Variants in KBTBD11 observed in about 807,000 individuals in gnomAD.
The protein encoded by KBTBD11 is kelch repeat and BTB domain-containing protein 11.
For missense variants in KBTBD11, 1,390 were observed against 1,001.8 expected (o/e 1.39, Z -5.23); for synonymous variants, 747 against 499.0 (o/e 1.50, Z -6.63).
intron 1 of KBTBD11, among the ~76,000 whole-genome samples, chr8:1,978,950 G>C (rs911858355): frequency 2.0e-5 from 3 of 152,200 alleles, no homozygotes; most frequent in Admixed American, 1.3e-4. Context: ...AAAGCAATGA[G>C]AGACCCACCC....
Position 1,991,766 on chromosome 8 carries a change from G to A in KBTBD11, c.-908-8519G>A, listed in dbSNP as rs577705240. ...TGGCAGAGAAGGTGCCCACCGGTGA[G>A]TGGGCCTTCTCGTTTTAGGACGAGA... On this transcript the variant is annotated intron_variant, in intron 1 of 1. Coordinates refer to ENST00000320248, the MANE Select transcript of KBTBD11 (RefSeq NM_014867.3). Among the ~76,000 whole-genome samples the A allele has an allele frequency of 1.4e-3, 213 of 152,090 alleles. 1 individual carries two copies. Among genetic ancestry groups the A allele is most frequent in the Non-Finnish European group, 2.6e-3 (174 of 67,998 alleles).
rs974740639 is a variant in KBTBD11 at position 2,001,672 on chromosome 8, G to T, written c.480G>T (p.Ala160=). 4.1e-6 allele frequency: 6 copies of T among 1,461,672 alleles called. No homozygotes were observed. The South Asian group carries it at 6.5e-5, about 16-fold the overall frequency. The allele number at this position is 1,461,672 out of a possible 1,614,324, so 90.5% of individuals were successfully genotyped here. Residue 160 remains alanine (A), a synonymous_variant, in exon 2 of 2, where the codon GCG becomes GCT. Transcript: ENST00000320248. Reference sequence around the variant, plus strand: ...GCGCGCACAAGGCGGTGCTGGCGGCGCGCAGCGACTACTTCCGCGCGCGCG... The same window carrying T: ...GCGCGCACAAGGCGGTGCTGGCGGCTCGCAGCGACTACTTCCGCGCGCGCG... ...RLRAHKAVLA[A]RSDYFRARAS...
intron 1 of KBTBD11, among the ~76,000 whole-genome samples, chr8:1,995,060 CAAAAAA>C (rs5741960): frequency 2.8e-4 from 28 of 101,136 alleles, no homozygotes; most frequent in East Asian, 8.7e-4. Context: ...ACTCTTGTCT[CAAAAAA>C]AAAAAAAAAA....
Position 1,974,271 on chromosome 8 carries a change from C to A in KBTBD11, c.-909+336C>A, listed in dbSNP as rs983336461. 15 of 980,334 alleles carry A rather than the reference C, an allele frequency of 1.5e-5. 1 individual carries two copies. In the African/African-American group the frequency reaches 2.5e-4, roughly 16 times the overall value. The allele number at this position is 980,334 out of a possible 1,614,324, so 60.7% of individuals were successfully genotyped here. On this transcript the variant is annotated intron_variant, in intron 1 of 1. Coordinates refer to ENST00000320248, the MANE Select transcript of KBTBD11 (RefSeq NM_014867.3). ...TCCTCGCGGGGTCTCCACAGGCCCT[C>A]CCCCGGGACGCGGCAACCCCGGCCG...
intron 1 of KBTBD11, among the ~76,000 whole-genome samples, chr8:1,980,733 A>C (rs1816513166): frequency 6.6e-6 from 1 of 152,198 alleles, no homozygotes; most frequent in African/African-American, 2.4e-5. Flanking sequence ...CCGCCAGGGC[A>C]GGGGCAGGGC....
At position 1,980,047 on chromosome 8, in the gene KBTBD11, A is replaced by T. The variant is rs111906434; in HGVS notation, c.-909+6112A>T. On this transcript the variant is annotated intron_variant, in intron 1 of 1. Coordinates refer to ENST00000320248, the MANE Select transcript of KBTBD11 (RefSeq NM_014867.3). ...GAGCTGGCAGTATTTCATCTGTACA[A>T]TTACCTGAAAGTGCTGTGGGGTTTT... Among the ~76,000 whole-genome samples, 358 of 152,242 alleles carry T rather than the reference A, an allele frequency of 2.4e-3. 4 individuals carry two copies. Among genetic ancestry groups the T allele is most frequent in the African/African-American group, 8.1e-3 (338 of 41,540 alleles).
chr8:1,998,660 T>C (rs1304732681), intron 1 of KBTBD11, among the ~76,000 whole-genome samples: 1 of 152,200 alleles, frequency 6.6e-6, no homozygotes, highest in Non-Finnish European at 1.5e-5. Context: ...TTCTGTATCT[T>C]ACAGAAGCAG....
chr8:1,978,194 T>C (rs1816416236), intron 1 of KBTBD11, among the ~76,000 whole-genome samples: 1 of 152,208 alleles, frequency 6.6e-6, no homozygotes, highest in Non-Finnish European at 1.5e-5. Flanking sequence ...TTCCCCTCCC[T>C]GAGTCCATGT....
At chr8:1,976,402 A>T (rs1446488031) in intron 1 of KBTBD11, 2 of 152,228 alleles carry the variant, frequency 1.3e-5, no homozygotes, top group Non-Finnish European at 2.9e-5. Context: ...AAATTAAAGC[A>T]TCTAGTTTAC....
Position 2,002,302 on chromosome 8 carries a change from G to T in KBTBD11, c.1110G>T (p.Ala370=). 1.5e-6 allele frequency: 2 copies of T among 1,341,798 alleles called. No homozygotes were observed. The highest frequency in any genetic ancestry group is 3.6e-5 in the South Asian group (2 of 55,680). The allele number at this position is 1,341,798 out of a possible 1,614,324, so 83.1% of individuals were successfully genotyped here. A position where few individuals can be genotyped will look rare whatever the true frequency, so the allele number is the denominator to read the frequency against. The stretch of plus-strand genomic sequence containing the variant: ...TCGTGGCGGGCGGCGTGGCGCCCGC[G>T]GGCCCCGACGGCCGCGCGCGCCCGT... ...YLFVAGGVAP[A]GPDGRARPSD... is the part of the protein sequence containing the mutation. Residue 370 remains alanine, a synonymous_variant, in exon 2 of 2, where the codon GCG becomes GCT. Transcript: ENST00000320248. This position sits in a 1 kb window ranked among gnomAD's most constrained non-coding sequence, Gnocchi z 4.1.
chr8:1,990,547 C>A (rs111646946), intron 1 of KBTBD11, among the ~76,000 whole-genome samples: 2 of 32,308 alleles, frequency 6.2e-5, no homozygotes, highest in Admixed American at 2.5e-4. Flanking sequence ...TGCTGCGGGG[C>A]CTTGGCGCCC....
intron 1 of KBTBD11, among the ~76,000 whole-genome samples, chr8:1,991,872 C>A (rs1010566839): frequency 1.3e-5 from 2 of 152,016 alleles, no homozygotes; most frequent in Non-Finnish European, 2.9e-5. Flanking sequence ...GTGTCTGACA[C>A]CAAAGGGAAG....
Position 2,001,449 on chromosome 8 carries a change from C to T in KBTBD11, c.257C>T (p.Ala86Val). The change falls in exon 2 of 2, where the codon GCG becomes GTG. Residue 86 changes from alanine to valine, a missense_variant. Physicochemically the swap from Ala to Val is moderately conservative, Grantham distance 64. Transcript: ENST00000320248. ...TGGGAGGCCGGCAGCGCGGGCGCCG[C>T]GTCCCCGGAGGAGCTCGCGTCCCCT... is the stretch of plus-strand genomic sequence containing the variant. Reference protein sequence around the residue: ...RQWEAGSAGAASPEELASPEE... With the variant: ...RQWEAGSAGAVSPEELASPEE... The T allele has an allele frequency of 1.5e-6, 2 of 1,357,106 alleles. No individual in the cohort carries two copies. The highest frequency in any genetic ancestry group is 1.9e-6 in the Non-Finnish European group (2 of 1,063,082). The allele number at this position is 1,357,106 out of a possible 1,614,324, so 84.1% of individuals were successfully genotyped here.
Position 2,003,170 on chromosome 8 carries a change from C to G in KBTBD11, c.*106C>G, listed in dbSNP as rs1817464356. The G allele has an allele frequency of 1.6e-6, 2 of 1,245,706 alleles. No homozygotes were observed. Among genetic ancestry groups the G allele is most frequent in the Non-Finnish European group, 2.0e-6 (2 of 987,354 alleles). The allele number at this position is 1,245,706 out of a possible 1,614,324, so 77.2% of individuals were successfully genotyped here. A position where few individuals can be genotyped will look rare whatever the true frequency, so the allele number is the denominator to read the frequency against. The stretch of plus-strand genomic sequence containing the variant: ...TGGGGAGTCGGGGCCGCTGGCCACG[C>G]TGGTGGTTTGGACACTTCGAAGGAG... On this transcript the variant is annotated 3_prime_UTR_variant, in exon 2 of 2. Coordinates refer to ENST00000320248, the MANE Select transcript of KBTBD11 (RefSeq NM_014867.3).
intron 1 of KBTBD11, among the ~76,000 whole-genome samples, chr8:1,980,774 A>C (rs1380651778): frequency 6.6e-6 from 1 of 152,288 alleles, no homozygotes; most frequent in East Asian, 1.9e-4. Flanking sequence ...TGGTTCTGTT[A>C]ACTGTCTTTT....
chr8:2,001,142 T>A lies in KBTBD11; in HGVS notation c.-51T>A. ...AGTAAGGCTCGACCTTGGCCAGACCTGCAGGCTGCGGAACCGGGGGCGCGC... is the reference window on the plus strand; with the variant it reads ...AGTAAGGCTCGACCTTGGCCAGACCAGCAGGCTGCGGAACCGGGGGCGCGC... On this transcript the variant is annotated 5_prime_UTR_variant, in exon 2 of 2. Transcript: ENST00000320248. 7.7e-7 allele frequency: 1 copy of A among 1,294,152 alleles called. No individual in the cohort carries two copies. The highest frequency in any genetic ancestry group is 9.8e-7 in the Non-Finnish European group (1 of 1,021,950). 80.2% of individuals were successfully genotyped at this position (1,294,152 alleles called of 1,614,324 possible).
At chr8:1,984,279 GTTTTTTTT>G (rs71211539) in intron 1 of KBTBD11, among the ~76,000 whole-genome samples, 53,120 of 98,770 alleles carry the variant, frequency 0.54, 13,270 homozygotes, top group East Asian at 0.79. Flanking sequence ...CTCTAAAAAA[GTTTTTTTT>G]TTTTTTTTTT....
intron 1 of KBTBD11, among the ~76,000 whole-genome samples, chr8:1,991,349 T>C (rs1456548171): frequency 6.6e-6 from 1 of 152,210 alleles, no homozygotes; most frequent in Admixed American, 6.5e-5. Flanking sequence ...AGGATGGGAA[T>C]CCCCGCACGC....
intron 1 of KBTBD11, among the ~76,000 whole-genome samples, chr8:1,992,295 ACCTGCACAGTT>A (rs1281996289): frequency 6.6e-6 from 1 of 152,060 alleles, no homozygotes; most frequent in Non-Finnish European, 1.5e-5. Flanking sequence ...AACTGATGTC[ACCTGCACAGTT>A]CCTGCACACA....
Sources: allele counts gnomAD v4.1 joint callset (sites outside exome capture counted in the v4.1 genomes callset), GRCh38; gene constraint gnomAD v4.1.1; non-coding constraint Gnocchi (gnomAD v3.1); transcripts MANE v1.5; gene names NCBI Gene and HGNC (gene_info 2026-07-23, HGNC 2026-07-21).